Variants in GFOD1 observed in about 807,000 individuals in gnomAD.
GFOD1 encodes Gfo/Idh/MocA-like oxidoreductase domain containing 1, also known as glucose-fructose oxidoreductase domain-containing protein 1.
GFOD1 carries 9 observed loss-of-function variants against 25.4 expected under a neutral mutation model. That is an observed-to-expected ratio of 0.35 (90% CI 0.21 to 0.62). The LOEUF is 0.62. Ranked by LOEUF, GFOD1 falls within the 20% of genes least tolerant of loss-of-function variation. The probability of loss-of-function intolerance (pLI) is 0.72; values close to 1 mark genes in which losing one functional copy is unlikely to be tolerated. For synonymous variants in GFOD1, 253 were observed against 245.6 expected (o/e 1.03, Z -0.28); for missense variants, 403 against 556.9 (o/e 0.72, Z 2.78).
At chr6:13,478,742 C>T (rs1394874310) in intron 1 of GFOD1, among the ~76,000 whole-genome samples, 1 of 152,208 alleles carries the variant, frequency 6.6e-6, no homozygotes, top group Admixed American at 6.5e-5. Context: ...CTTTCACCCA[C>T]CACATGAACC....
chr6:13,460,774 A>G (rs76710199), intron 1 of GFOD1, among the ~76,000 whole-genome samples: 3,319 of 151,924 alleles, frequency 0.022, 124 homozygotes, highest in African/African-American at 0.073. Context: ...GCAAACCACC[A>G]TGGCACACAT....
rs552200351 is a variant in GFOD1 at position 13,371,935 on chromosome 6, C to T, written c.254-6273G>A. The stretch of plus-strand genomic sequence containing the variant: ...ATGCAGTGTGACCACGGGTGAGTGG[C>T]AGAAAGCACACGAGGACTGGCCTGA... On this transcript the variant is annotated intron_variant, in intron 1 of 1. Coordinates refer to ENST00000379287, the MANE Select transcript of GFOD1 (RefSeq NM_018988.4). Among the ~76,000 whole-genome samples the T allele has an allele frequency of 2.0e-5, 3 of 152,306 alleles. No individual in the cohort carries two copies. In the East Asian group the frequency reaches 5.8e-4, roughly 29 times the overall value.
intron 1 of GFOD1, among the ~76,000 whole-genome samples, chr6:13,436,027 T>C (rs952378577): frequency 6.3e-4 from 96 of 152,196 alleles, no homozygotes; most frequent in African/African-American, 2.2e-3. Flanking sequence ...ATTTGCGTTC[T>C]TGACTTCTAG....
At chr6:13,470,440 G>C in intron 1 of GFOD1, 1 of 1,550,220 alleles carries the variant, frequency 6.5e-7, no homozygotes, top group Non-Finnish European at 8.7e-7. Flanking sequence ...TATTAAGTTA[G>C]ACAGGCTGCA....
intron 1 of GFOD1, among the ~76,000 whole-genome samples, chr6:13,399,347 C>G (rs372361289): frequency 1.3e-5 from 2 of 152,154 alleles, no homozygotes; most frequent in African/African-American, 4.8e-5. Context: ...CAAAGGCTTA[C>G]TCTAAAGCCC....
At chr6:13,474,466 T>G (rs1758574212) in intron 1 of GFOD1, among the ~76,000 whole-genome samples, 1 of 152,206 alleles carries the variant, frequency 6.6e-6, no homozygotes, top group African/African-American at 2.4e-5. Context: ...CTGGGAAGCT[T>G]ACCCAGGTGA....
intron 1 of GFOD1, among the ~76,000 whole-genome samples, chr6:13,419,129 T>C (rs2062850054): frequency 6.6e-6 from 1 of 152,202 alleles, no homozygotes; most frequent in Non-Finnish European, 1.5e-5. Context: ...GGTTGCCATA[T>C]TGGACTTCCA....
chr6:13,480,918 C>T (rs1174422680), intron 1 of GFOD1, among the ~76,000 whole-genome samples: 1 of 152,152 alleles, frequency 6.6e-6, no homozygotes, highest in East Asian at 1.9e-4. Flanking sequence ...GAACCTTTTG[C>T]CTTCCCCCAG....
chr6:13,381,966 G>A lies in GFOD1; in HGVS notation c.254-16304C>T, dbSNP rs1013016527. ...ACACACACACACAAACTTGCTGACT[G>A]AAGCAGTAACTACCACCAAGTACCT... On this transcript the variant is annotated intron_variant, in intron 1 of 1. Coordinates refer to ENST00000379287, the MANE Select transcript of GFOD1 (RefSeq NM_018988.4). Among the ~76,000 whole-genome samples the A allele has an allele frequency of 5.3e-5, 8 of 150,968 alleles. No homozygotes were observed. The South Asian group carries it at 1.7e-3, about 32-fold the overall frequency.
At chr6:13,415,088 G>T (rs934014774) in intron 1 of GFOD1, among the ~76,000 whole-genome samples, 31 of 152,152 alleles carry the variant, frequency 2.0e-4, no homozygotes, top group Admixed American at 2.0e-3. Context: ...ACTCCCTGCT[G>T]GCAGGACCCC....
In GFOD1 at chr6:13,437,582, G is replaced by T. The variant is rs77337200; in HGVS notation, c.253+49056C>A. 2.0e-5 allele frequency among the ~76,000 whole-genome samples: 3 copies of T among 152,280 alleles called. No homozygotes were observed. In the East Asian group the frequency reaches 5.8e-4, roughly 29 times the overall value. On this transcript the variant is annotated intron_variant, in intron 1 of 1. Coordinates refer to ENST00000379287, the MANE Select transcript of GFOD1 (RefSeq NM_018988.4). ...TTGTGACTAGCGGCTACTATGTTGG[G>T]CAGAACAGCTATCATTGTTTTTAAA...
intron 1 of GFOD1, among the ~76,000 whole-genome samples, chr6:13,444,410 G>T (rs1413184311): frequency 6.6e-6 from 1 of 151,660 alleles, no homozygotes; most frequent in Admixed American, 6.6e-5. Context: ...AAACTATTGG[G>T]TACTAAGCTT....
At chr6:13,376,288 G>A (rs546098828) in intron 1 of GFOD1, among the ~76,000 whole-genome samples, 30 of 152,270 alleles carry the variant, frequency 2.0e-4, no homozygotes, top group Non-Finnish European at 3.5e-4. Context: ...TGCGGACAGA[G>A]GAAAATGGCC....
At chr6:13,374,600 C>T (rs1299026847) in intron 1 of GFOD1, among the ~76,000 whole-genome samples, 1 of 151,612 alleles carries the variant, frequency 6.6e-6, no homozygotes, top group African/African-American at 2.4e-5. Context: ...ACCACCACGC[C>T]CAGCCAAAAA....
intron 1 of GFOD1, among the ~76,000 whole-genome samples, chr6:13,369,567 T>C (rs1785109181): frequency 6.6e-6 from 1 of 151,936 alleles, no homozygotes; most frequent in African/African-American, 2.4e-5. Context: ...GAGGCTGAGG[T>C]GGGAGCATCA....
intron 1 of GFOD1, among the ~76,000 whole-genome samples, chr6:13,409,861 T>G (rs1389402580): frequency 4.7e-5 from 7 of 148,924 alleles, no homozygotes. Context: ...AGGCAGAGGT[T>G]GCAGTGAGCC....
chr6:13,452,713 T>A (rs1315316069), intron 1 of GFOD1, among the ~76,000 whole-genome samples: 3 of 152,204 alleles, frequency 2.0e-5, no homozygotes, highest in African/African-American at 7.2e-5. Flanking sequence ...AGGCCTAACA[T>A]TTACCATTAG....
chr6:13,387,286 A>G (rs1454102898), intron 1 of GFOD1, among the ~76,000 whole-genome samples: 4 of 152,202 alleles, frequency 2.6e-5, no homozygotes, highest in African/African-American at 7.2e-5. Flanking sequence ...TCGGATCCTG[A>G]TACCAAAGCC....
chr6:13,394,641 A>ATT lies in GFOD1; in HGVS notation c.254-28981_254-28980dup, dbSNP rs36042262. On this transcript the variant is annotated intron_variant, in intron 1 of 1. Coordinates refer to ENST00000379287, the MANE Select transcript of GFOD1 (RefSeq NM_018988.4). ...AGGTGCATGCTACCATACTTGGCTA[A>ATT]TTTTTTTTTTTGAGACAGTCTCGCT... is the stretch of plus-strand genomic sequence containing the variant. Among the ~76,000 whole-genome samples, 291 of 146,836 alleles carry ATT rather than the reference A, an allele frequency of 2.0e-3. 1 individual carries two copies. The highest frequency in any genetic ancestry group is 4.2e-3 in the East Asian group (21 of 5,014).
Sources: allele counts gnomAD v4.1 joint callset (sites outside exome capture counted in the v4.1 genomes callset), GRCh38; gene constraint gnomAD v4.1.1; transcripts MANE v1.5; gene names NCBI Gene and HGNC (gene_info 2026-07-23, HGNC 2026-07-21).